The following EPG5 variants were observed in gnomAD, a reference collection of about 807,000 sequenced individuals.
The protein encoded by EPG5 is ectopic P granules protein 5 homolog.
A neutral mutation model predicts 302.7 loss-of-function variants in EPG5; 159 were observed. The ratio of observed to expected loss-of-function variants is 0.53; its 90% CI spans 0.46 to 0.60. The LOEUF is 0.60. Ranked by LOEUF, EPG5 falls within the 20% of genes least tolerant of loss-of-function variation. The pLI is 0.00. For missense variants in EPG5, 2,896 were observed against 3,092.4 expected (o/e 0.94, Z 1.51); for synonymous variants, 1,158 against 1,136.8 (o/e 1.02, Z -0.37).
chr18:45,817,592 T>C, the EPG5 span, among the ~76,000 whole-genome samples: 2 of 152,256 alleles, frequency 1.3e-5, no homozygotes, highest in Non-Finnish European at 2.9e-5. Flanking sequence ...CTGGAGGATC[T>C]GCTTCCAAGT....
At chr18:45,836,030 G>A in the EPG5 span, among the ~76,000 whole-genome samples, 3 of 152,176 alleles carry the variant, frequency 2.0e-5, no homozygotes, top group African/African-American at 7.2e-5. Flanking sequence ...CGGAGATTTT[G>A]GTTCTGTGCA....
chr18:45,918,410 T>G (rs1351337608), intron 16 of EPG5, among the ~76,000 whole-genome samples: 1 of 152,226 alleles, frequency 6.6e-6, no homozygotes, highest in Non-Finnish European at 1.5e-5. Flanking sequence ...ACTCAAAGTT[T>G]CAGATTTTGG....
chr18:45,878,725 T>G (rs2049024590), intron 33 of EPG5, among the ~76,000 whole-genome samples: 1 of 152,188 alleles, frequency 6.6e-6, no homozygotes, highest in South Asian at 2.1e-4. Context: ...GAACCCCATC[T>G]TAGTAAGACA....
rs1431465478 is a variant in EPG5 at position 45,928,943 on chromosome 18, T to C, written c.2479A>G (p.Ile827Val). 2.5e-6 allele frequency: 4 copies of C among 1,613,956 alleles called. No individual in the cohort carries two copies. The highest frequency in any genetic ancestry group is 1.3e-5 in the African/African-American group (1 of 75,046). Reference sequence around the variant, plus strand: ...ATTATCTCAGGGTGAACAGCTGTGATAGTCCCTAAAAGCTCTCGACCAACC... The same window carrying C: ...ATTATCTCAGGGTGAACAGCTGTGACAGTCCCTAAAAGCTCTCGACCAACC... ...SKVGRELLGT[I>V]TAVHPEIISV... The change falls in exon 13 of 44, where the codon ATC becomes GTC. Residue 827 changes from isoleucine to valine, a missense_variant. Ile to Val is a conservative substitution (Grantham distance 29). Transcript: ENST00000282041.
At position 45,922,417 on chromosome 18, in the gene EPG5, G is replaced by T; in HGVS notation, c.3022C>A (p.Pro1008Thr). 1.2e-6 allele frequency: 2 copies of T among 1,614,240 alleles called. No individual in the cohort carries two copies. The highest frequency in any genetic ancestry group is 1.7e-6 in the Non-Finnish European group (2 of 1,180,052). The change falls in exon 16 of 44, where the codon CCT (proline) becomes ACT (threonine). Residue 1008 changes from proline to threonine, a missense_variant. By Grantham distance (38) the Pro-to-Thr change is conservative (BLOSUM62 -1). Transcript: ENST00000282041. ...PDMTESPTFHPLLKAVKAGMP... is the reference protein window; with the variant it reads ...PDMTESPTFHTLLKAVKAGMP... ...CCCGCTTTCACAGCCTTCAAGAGAG[G>T]ATGAAACGTGGGTGACTCTGTCATG... is the stretch of plus-strand genomic sequence containing the variant.
At chr18:45,840,322 A>T in the EPG5 span, 2 of 1,474,456 alleles carry the variant, frequency 1.4e-6, no homozygotes, top group South Asian at 2.5e-5. Context: ...CAGGAGAAGG[A>T]ATAAATGGCA....
Position 45,955,269 on chromosome 18 carries a change from C to T in EPG5, c.133G>A (p.Glu45Lys). The T allele has an allele frequency of 6.2e-7, 1 of 1,614,006 alleles. No homozygotes were observed. The highest frequency in any genetic ancestry group is 8.5e-7 in the Non-Finnish European group (1 of 1,179,950). ...CAGGCTAGAGAAGGGATTTCCTGCT[C>T]TCTGGAGGTTTTTGGAAGGGAGACT... is the stretch of plus-strand genomic sequence containing the variant. ...SEVSLPKTSR[E>K]QEIPSLACEF... Residue 45 changes from glutamate (E) to lysine (K), a missense_variant, in exon 2 of 44, where the codon GAG becomes AAG. Physicochemically the swap from Glu to Lys is moderately conservative, Grantham distance 56 (BLOSUM62 1). Coordinates refer to ENST00000282041, the MANE Select transcript of EPG5 (RefSeq NM_020964.3).
intron 1 of EPG5, among the ~76,000 whole-genome samples, chr18:45,959,573 G>C (rs562215698): frequency 2.3e-4 from 35 of 151,966 alleles, no homozygotes; most frequent in Admixed American, 5.9e-4. Context: ...TTGAACCTGG[G>C]AGGCGGAGGT....
At chr18:45,899,182 A>AC (rs1555671173) in intron 27 of EPG5, among the ~76,000 whole-genome samples, 2 of 151,632 alleles carry the variant, frequency 1.3e-5, no homozygotes, top group Non-Finnish European at 1.5e-5. Context: ...AATGATTCTG[A>AC]TTTTTTTTTA....
chr18:45,905,271 G>A (rs2049721368), intron 24 of EPG5, among the ~76,000 whole-genome samples: 4 of 152,162 alleles, frequency 2.6e-5, no homozygotes, highest in Admixed American at 2.6e-4. Flanking sequence ...CAGGGACTAT[G>A]GGTTTGTGGA....
the EPG5 span, among the ~76,000 whole-genome samples, chr18:45,811,318 A>C: frequency 6.6e-6 from 1 of 152,218 alleles, no homozygotes; most frequent in East Asian, 1.9e-4. Flanking sequence ...AGCAGTTTCA[A>C]ATTCTACCAG....
chr18:45,952,805 T>C (rs1243717071), intron 2 of EPG5, among the ~76,000 whole-genome samples, 162 bp from the exon 3 acceptor site: 4 of 152,078 alleles, frequency 2.6e-5, no homozygotes, highest in Admixed American at 6.6e-5. Flanking sequence ...CCAGCAAATA[T>C]ATGATCAGGT....
In EPG5 at chr18:45,857,921, A is replaced by C. The variant is rs2048549874; in HGVS notation, c.7374T>G (p.Ala2458=). 16 of 1,612,878 alleles carry C rather than the reference A, an allele frequency of 9.9e-6. No homozygotes were observed. The highest frequency in any genetic ancestry group is 1.4e-5 in the Non-Finnish European group (16 of 1,180,020). ...LLVQSRQNLV[A]EERLSSGILG... ...GGATCCCAGAGCTGAGTCTCTCCTC[A>C]GCCACGAGGTTCTGCCTGCTCTGAA... is the stretch of plus-strand genomic sequence containing the variant. Residue 2458 remains alanine (A), a synonymous_variant, in exon 42 of 44, where the codon GCT becomes GCG. Transcript: ENST00000282041.
Position 45,923,377 on chromosome 18 carries a change from T to C in EPG5, c.2729A>G (p.His910Arg), listed in dbSNP as rs781269702. The C allele has an allele frequency of 3.1e-6, 5 of 1,612,392 alleles. No individual in the cohort carries two copies. The highest frequency in any genetic ancestry group is 4.2e-6 in the Non-Finnish European group (5 of 1,179,592). ...NWGFAKQATLHLDQAVHAEVA... is the reference protein window; with the variant it reads ...NWGFAKQATLRLDQAVHAEVA... ...TTCAGCATGGACTGCTTGATCCAGA[T>C]GAAGGGTAGCCTTTTAAAGAGAAAA... The change falls in exon 15 of 44, where the codon CAT (histidine) becomes CGT (arginine). Residue 910 changes from histidine (H) to arginine (R), a missense_variant. His to Arg is a conservative substitution (Grantham distance 29). Transcript: ENST00000282041.
At chr18:45,869,851 T>G (rs1201565893) in intron 36 of EPG5, among the ~76,000 whole-genome samples, 2 of 151,130 alleles carry the variant, frequency 1.3e-5, no homozygotes, top group African/African-American at 4.9e-5. Context: ...AATGTGACAG[T>G]AAGAGTAAAC....
the EPG5 span, among the ~76,000 whole-genome samples, chr18:45,808,591 A>G: frequency 6.6e-6 from 1 of 152,158 alleles, no homozygotes; most frequent in African/African-American, 2.4e-5. Flanking sequence ...CTCAAACAAA[A>G]CAATTATCAA....
At chr18:45,873,836 G>A (rs1037917837) in intron 35 of EPG5, among the ~76,000 whole-genome samples, 1 of 152,092 alleles carries the variant, frequency 6.6e-6, no homozygotes, top group Non-Finnish European at 1.5e-5. Context: ...ATACAAATAA[G>A]GTACAGCCAG....
chr18:45,951,338 T>C (rs1226128961), intron 3 of EPG5, 100 bp from the exon 4 acceptor site: 4 of 812,526 alleles, frequency 4.9e-6, no homozygotes, highest in Non-Finnish European at 6.7e-6. Context: ...ACCTTTAAAA[T>C]ATTTAGTGCA....
intron 32 of EPG5, 103 bp downstream of exon 32, chr18:45,879,972 G>A (rs2049055187): frequency 7.7e-7 from 1 of 1,292,560 alleles, no homozygotes; most frequent in Non-Finnish European, 1.1e-6. Flanking sequence ...AAAAACACAT[G>A]GCTCTTAAAG....
Sources: allele counts gnomAD v4.1 joint callset (sites outside exome capture counted in the v4.1 genomes callset), GRCh38; gene constraint gnomAD v4.1.1; transcripts MANE v1.5; gene names NCBI Gene and HGNC (gene_info 2026-07-23, HGNC 2026-07-21).